Variants in UHRF1 observed in about 807,000 individuals in gnomAD.
UHRF1 encodes the protein E3 ubiquitin-protein ligase UHRF1.
Under a neutral mutation model 96.5 loss-of-function variants are expected in UHRF1, and 9 were observed. The observed-to-expected ratio is 0.09, with a 90% CI of 0.06 to 0.16. The LOEUF (loss-of-function observed/expected upper bound fraction) is 0.16. Among genes scored for constraint, UHRF1 ranks in the 10% least tolerant of loss-of-function variants. UHRF1 has a pLI of 1.00. For missense variants in UHRF1, 626 were observed against 1,131.1 expected, an observed-to-expected ratio of 0.55 and a Z score of 6.40; for synonymous variants, 455 against 469.9, an observed-to-expected ratio of 0.97 and a Z score of 0.41.
intron 1 of UHRF1, among the ~76,000 whole-genome samples, chr19:4,903,973 A>G (rs2032004421): frequency 6.6e-6 from 1 of 151,684 alleles, no homozygotes; most frequent in Non-Finnish European, 1.5e-5. Context: ...TCCCTGCATG[A>G]TTGACATTTC....
chr19:4,957,098 C>G (rs923188545), intron 16 of UHRF1, among the ~76,000 whole-genome samples: 4 of 152,052 alleles, frequency 2.6e-5, no homozygotes, highest in Admixed American at 1.3e-4. Flanking sequence ...CCCTAGGGGT[C>G]AGGAAAGAAG....
chr19:4,948,113 A>AAAC (rs1326960005), intron 11 of UHRF1, among the ~76,000 whole-genome samples: 2 of 151,652 alleles, frequency 1.3e-5, no homozygotes, highest in Non-Finnish European at 2.9e-5. Flanking sequence ...AAAAAAAAAA[A>AAAC]AAAAAAACCC....
chr19:4,906,912 C>T (rs2032075405), upstream of UHRF1, among the ~76,000 whole-genome samples: 1 of 152,198 alleles, frequency 6.6e-6, no homozygotes, highest in Non-Finnish European at 1.5e-5. Flanking sequence ...CCGTCTCACA[C>T]CCTCAGGTGG....
At chr19:4,959,296 C>G (rs1663933960) in intron 16 of UHRF1, among the ~76,000 whole-genome samples, 1 of 152,124 alleles carries the variant, frequency 6.6e-6, no homozygotes, top group African/African-American at 2.4e-5. Context: ...CGCCACTGCA[C>G]TCCAGCCTGG....
At chr19:4,926,360 T>C (rs557055253) in intron 2 of UHRF1, among the ~76,000 whole-genome samples, 2 of 152,278 alleles carry the variant, frequency 1.3e-5, no homozygotes, top group African/African-American at 4.8e-5. Context: ...GCCCTGAGCC[T>C]CCTCCTGGCT....
At chr19:4,945,734 C>T (rs955686052) in intron 9 of UHRF1, 127 bp from the exon 10 acceptor site, 23 of 713,836 alleles carry the variant, frequency 3.2e-5, no homozygotes, top group Non-Finnish European at 5.3e-5. Context: ...AGGTGACTCG[C>T]AGGCCTGAGG....
At chr19:4,922,385 C>A (rs920578802) in intron 2 of UHRF1, among the ~76,000 whole-genome samples, 1 of 152,096 alleles carries the variant, frequency 6.6e-6, no homozygotes. Flanking sequence ...TGTGCCACAG[C>A]CTCCCCAGTA....
Position 4,930,675 on chromosome 19 carries a change from C to T in UHRF1, c.409-41C>T. ...CCAAGGTGGTCTCCCGTCAGTTTTC[C>T]TCACCCCGTTGGGATGCCAGACTTC... On this transcript the variant is annotated intron_variant, in intron 3 of 16. Transcript: ENST00000650932. The surrounding 1 kb of genome is among the most constrained non-coding windows in gnomAD (Gnocchi z 4.4). 1 of 1,599,284 alleles carries T rather than the reference C, an allele frequency of 6.3e-7. No homozygotes were observed. Among genetic ancestry groups the T allele is most frequent in the Non-Finnish European group, 8.5e-7 (1 of 1,171,364 alleles).
intron 2 of UHRF1, among the ~76,000 whole-genome samples, chr19:4,913,420 A>C (rs997683928): frequency 6.6e-6 from 1 of 151,680 alleles, no homozygotes; most frequent in African/African-American, 2.4e-5. Flanking sequence ...CGCCTGATTA[A>C]TTTTTTGTAT....
chr19:4,955,039 C>G (rs995272969), intron 15 of UHRF1, among the ~76,000 whole-genome samples: 2 of 152,240 alleles, frequency 1.3e-5, no homozygotes, highest in African/African-American at 4.8e-5. Context: ...CCACCCCCTC[C>G]CAAGCCTTGG....
intron 2 of UHRF1, among the ~76,000 whole-genome samples, chr19:4,912,246 A>G (rs1245758771): frequency 6.6e-6 from 1 of 152,170 alleles, no homozygotes; most frequent in Non-Finnish European, 1.5e-5. Context: ...CGGGCTCGAC[A>G]GAGGAGCTCC....
upstream of UHRF1, among the ~76,000 whole-genome samples, chr19:4,905,812 C>G (rs938659120): frequency 6.6e-6 from 1 of 152,112 alleles, no homozygotes; most frequent in Non-Finnish European, 1.5e-5. Flanking sequence ...CCACTGTGCC[C>G]GGCCAGTGTT....
chr19:4,918,196 T>G (rs1282529045), intron 2 of UHRF1, among the ~76,000 whole-genome samples: 1 of 151,984 alleles, frequency 6.6e-6, no homozygotes, highest in Non-Finnish European at 1.5e-5. Context: ...CTTGGCTCAC[T>G]GCAACCTCCA....
In UHRF1 at chr19:4,930,799, C is replaced by T. The variant is rs940939799; in HGVS notation, c.492C>T (p.Pro164=). 3.1e-6 allele frequency: 5 copies of T among 1,613,862 alleles called. No individual in the cohort carries two copies. In the African/African-American group the frequency reaches 6.7e-5, roughly 22 times the overall value. Residue 164 remains proline, a synonymous_variant, in exon 4 of 17, where the codon CCC becomes CCT. Transcript: ENST00000650932. The surrounding 1 kb of genome is among the most constrained non-coding windows in gnomAD (Gnocchi z 4.4). The part of the protein sequence containing the change: ...AQVVRVTRKA[P]SRDEPCSSTS... ...TGGTCAGGGTGACGCGGAAGGCCCC[C>T]TCCCGGGACGAGCCCTGCAGCTCCA...
Position 4,909,638 on chromosome 19 carries a change from T to C in UHRF1, c.-28T>C. 3 of 576,086 alleles carry C rather than the reference T, an allele frequency of 5.2e-6. No homozygotes were observed. The highest frequency in any genetic ancestry group is 9.1e-6 in the Non-Finnish European group (3 of 329,230). 35.7% of individuals were successfully genotyped at this position (576,086 alleles called of 1,614,324 possible). A position where few individuals can be genotyped will look rare whatever the true frequency, so the allele number is the denominator to read the frequency against. On this transcript the variant is annotated 5_prime_UTR_variant, in exon 1 of 17. Transcript: ENST00000650932. ...GCCACGCGCGCAGGCAGACAAGCTG[T>C]TCGCGGCGACCGGAGAGGTGAGCGG...
chr19:4,934,742 G>A (rs540395261), intron 5 of UHRF1, among the ~76,000 whole-genome samples: 7 of 152,136 alleles, frequency 4.6e-5, no homozygotes, highest in Non-Finnish European at 8.8e-5. Flanking sequence ...GAGGTCCTGG[G>A]CTGGGACATT....
chr19:4,933,195 C>T (rs1390928998), intron 5 of UHRF1, among the ~76,000 whole-genome samples: 1 of 152,180 alleles, frequency 6.6e-6, no homozygotes, highest in Non-Finnish European at 1.5e-5. Context: ...ACCCCCAGGC[C>T]CTGACAGGCA....
intron 2 of UHRF1, among the ~76,000 whole-genome samples, chr19:4,921,256 A>G (rs2032694037): frequency 6.6e-6 from 1 of 152,044 alleles, no homozygotes; most frequent in South Asian, 2.1e-4. Context: ...CCTGACCAAC[A>G]TGGAGAAACC....
rs180859206 is a variant in UHRF1 at position 4,930,062 on chromosome 19, A to G, written c.408+586A>G. ...CCATCTCGGCTCATTGCAACCTCCA[A>G]CTCCTGGGTTCAAGCAATTCTCGTG... On this transcript the variant is annotated intron_variant, in intron 3 of 16. Transcript: ENST00000650932. This position sits in a 1 kb window ranked among gnomAD's most constrained non-coding sequence, Gnocchi z 4.4. Among the ~76,000 whole-genome samples, 4 of 151,846 alleles carry G rather than the reference A, an allele frequency of 2.6e-5. No individual in the cohort carries two copies. Among genetic ancestry groups the G allele is most frequent in the Admixed American group, 1.3e-4 (2 of 15,198 alleles).
Sources: allele counts gnomAD v4.1 joint callset (sites outside exome capture counted in the v4.1 genomes callset), GRCh38; gene constraint gnomAD v4.1.1; non-coding constraint Gnocchi (gnomAD v3.1); transcripts MANE v1.5; gene names NCBI Gene and HGNC (gene_info 2026-07-23, HGNC 2026-07-21).